DMD: variants seen among roughly 807,000 people sequenced by gnomAD.
DMD encodes the protein dystrophin.
A neutral mutation model predicts 330.1 loss-of-function variants in DMD; 63 were observed. The ratio of observed to expected loss-of-function variants is 0.19; its 90% CI spans 0.16 to 0.24. DMD has a LOEUF of 0.24. Among genes scored for constraint, DMD ranks in the 10% least tolerant of loss-of-function variants. DMD has a pLI of 1.00. For synonymous variants in DMD, 1,223 were observed against 959.8 expected (o/e 1.27, Z -5.07); for missense variants, 3,344 against 2,684.1 (o/e 1.25, Z -5.43).
chrX:32,782,959 TAC>T (rs1312209499), intron 7 of DMD, among the ~76,000 whole-genome samples: 3 of 103,173 alleles, frequency 2.9e-5, no homozygotes, highest in Non-Finnish European at 6.0e-5. Context: ...CACACACACA[TAC>T]ACACACACAT....
chrX:31,164,180 G>A (rs1353118065), intron 74 of DMD, among the ~76,000 whole-genome samples: 1 of 111,689 alleles, frequency 9.0e-6, no homozygotes, highest in Non-Finnish European at 1.9e-5. Flanking sequence ...TCTGCTACAT[G>A]CTCCCGGGAT....
intron 44 of DMD, among the ~76,000 whole-genome samples, chrX:32,175,268 G>A (rs1048993430): frequency 3.6e-5 from 4 of 110,723 alleles, no homozygotes; most frequent in Non-Finnish European, 5.7e-5. Context: ...GAACCTTCCC[G>A]TCTTACAAGA....
intron 7 of DMD, among the ~76,000 whole-genome samples, chrX:32,732,106 G>T (rs867019894): frequency 8.9e-6 from 1 of 111,857 alleles, no homozygotes; most frequent in Non-Finnish European, 1.9e-5. Flanking sequence ...AGAGAAGTAC[G>T]TGAAGAATGC....
At chrX:31,429,674 T>C (rs1308339996) in intron 60 of DMD, among the ~76,000 whole-genome samples, 2 of 111,440 alleles carry the variant, frequency 1.8e-5, no homozygotes, top group Non-Finnish European at 3.8e-5. Context: ...CCTCCTTCAG[T>C]TTGTTGTACA....
chrX:32,376,118 G>A (rs962236052), intron 34 of DMD, among the ~76,000 whole-genome samples: 2 of 110,397 alleles, frequency 1.8e-5, no homozygotes, highest in East Asian at 2.9e-4. Context: ...CAACTCTACC[G>A]AAAACACAAA....
intron 1 of DMD, among the ~76,000 whole-genome samples, chrX:33,321,213 C>T (rs1188562302): frequency 9.0e-6 from 1 of 111,380 alleles, no homozygotes; most frequent in Non-Finnish European, 1.9e-5. Flanking sequence ...TTCCTTTGCT[C>T]ATATCCATCA....
chrX:31,645,138 C>A (rs2080008546), intron 54 of DMD, among the ~76,000 whole-genome samples: 1 of 111,784 alleles, frequency 8.9e-6, no homozygotes, highest in Admixed American at 9.5e-5. Flanking sequence ...CAGATCCCAG[C>A]AATTTTAATA....
chrX:32,486,832 A>G (rs773242644), intron 20 of DMD, among the ~76,000 whole-genome samples: 1 of 104,151 alleles, frequency 9.6e-6, no homozygotes, highest in African/African-American at 3.4e-5. Context: ...CTTCCTTACA[A>G]CTTATACAAA....
chrX:31,444,600 T>C lies in DMD; in HGVS notation c.8965A>G (p.Lys2989Glu), dbSNP rs2065154326. Residue 2989 changes from lysine (K) to glutamate (E), a missense_variant, in exon 60 of 79, where the codon AAA becomes GAA. Coordinates refer to ENST00000357033, the MANE Select transcript of DMD (RefSeq NM_004006.3). ...TCATTGACGTGGCTCACGTTCTCTT[T>C]CAGAGGCGCAATTTCTCCTCGAAGT... ...KALRGEIAPL[K>E]ENVSHVNDLA... The C allele has an allele frequency of 8.3e-7, 1 of 1,211,552 alleles. No individual in the cohort carries two copies. Among genetic ancestry groups the C allele is most frequent in the Non-Finnish European group, 1.1e-6 (1 of 895,473 alleles).
rs185721680 is a variant in DMD, at chrX:33,161,700, T to C, written c.31+49582A>G. Reference sequence around the variant, plus strand: ...TTCTGAGCTCTATGTCTACCACGAATAAGCCCAAGAGTAGAGAGAATTTAT... The same window carrying C: ...TTCTGAGCTCTATGTCTACCACGAACAAGCCCAAGAGTAGAGAGAATTTAT... On this transcript the variant is annotated intron_variant, in intron 1 of 78. Coordinates refer to ENST00000357033, the MANE Select transcript of DMD (RefSeq NM_004006.3). Among the ~76,000 whole-genome samples, 558 of 111,513 alleles carry C rather than the reference T, an allele frequency of 5.0e-3. 3 individuals are homozygous for C. The highest frequency in any genetic ancestry group is 8.2e-3 in the Non-Finnish European group (435 of 53,082).
chrX:32,352,143 A>C (rs2097783726), intron 37 of DMD, among the ~76,000 whole-genome samples: 1 of 110,863 alleles, frequency 9.0e-6, no homozygotes, highest in Non-Finnish European at 1.9e-5. Context: ...TTTTTTTAAA[A>C]ACACTGATTT....
intron 17 of DMD, among the ~76,000 whole-genome samples, chrX:32,530,826 TTC>T (rs2047409897): frequency 8.9e-6 from 1 of 112,255 alleles, no homozygotes; most frequent in Admixed American, 9.5e-5. Flanking sequence ...AATAGAAATA[TTC>T]TCTTAAATGA....
chrX:33,071,422 TA>T lies in DMD; in HGVS notation c.32-51223del, dbSNP rs747432653. 5.1e-3 allele frequency among the ~76,000 whole-genome samples: 359 copies of T among 71,057 alleles called. 1 individual carries two copies. The highest frequency in any genetic ancestry group is 0.019 in the East Asian group (45 of 2,425). The allele number at this position is 71,057 out of a possible 115,157, so 61.7% of individuals were successfully genotyped here. A position where few individuals can be genotyped will look rare whatever the true frequency, so the allele number is the denominator to read the frequency against. On this transcript the variant is annotated intron_variant, in intron 1 of 78. Transcript: ENST00000357033. ...CAACAGAGTGAGACTCTGTCCTGATTAAAAAAAAAAAAAAAAAAAAGGATAT... is the reference window on the plus strand; with the variant it reads ...CAACAGAGTGAGACTCTGTCCTGATTAAAAAAAAAAAAAAAAAAAGGATAT...
At chrX:33,175,025 C>T (rs2049574727) in intron 1 of DMD, among the ~76,000 whole-genome samples, 1 of 111,682 alleles carries the variant, frequency 9.0e-6, no homozygotes, top group African/African-American at 3.3e-5. Context: ...TCTCAGCCTC[C>T]AAAAGGCTAT....
At chrX:31,174,449 G>C (rs951382419) in intron 71 of DMD, among the ~76,000 whole-genome samples, 3 of 111,109 alleles carry the variant, frequency 2.7e-5, no homozygotes, top group Non-Finnish European at 3.8e-5. Flanking sequence ...AATTATCCTT[G>C]AAGTTTTTAT....
chrX:31,310,896 G>A (rs1003174478), intron 62 of DMD, among the ~76,000 whole-genome samples: 5 of 110,578 alleles, frequency 4.5e-5, no homozygotes, highest in African/African-American at 1.6e-4. Context: ...GAAAACATAA[G>A]CCATTATTTA....
At position 33,211,400 on chromosome X, in the gene DMD, A is replaced by G; in HGVS notation, c.-88T>C. On this transcript the variant is annotated 5_prime_UTR_variant, in exon 1 of 79. Coordinates refer to ENST00000357033, the MANE Select transcript of DMD (RefSeq NM_004006.3). Reference sequence around the variant, plus strand: ...TGCTCCAGTAGGCTTAAAAACAATGAGAAACCAACAAACTTCAGCAGCTTT... The same window carrying G: ...TGCTCCAGTAGGCTTAAAAACAATGGGAAACCAACAAACTTCAGCAGCTTT... 8.5e-7 allele frequency: 1 copy of G among 1,175,439 alleles called. No homozygotes were observed. The highest frequency in any genetic ancestry group is 1.9e-5 in the South Asian group (1 of 52,550).
Position 32,565,536 on chromosome X carries a change from C to A in DMD, c.1992+166G>T, listed in dbSNP as rs867198643. ...GTTAATTAGCACTCTACCTCACCAC[C>A]ATTCTCCAACAACAAGACAGGCAAA... is the stretch of plus-strand genomic sequence containing the variant. On this transcript the variant is annotated intron_variant, in intron 16 of 78. Transcript: ENST00000357033. Among the ~76,000 whole-genome samples the A allele has an allele frequency of 4.5e-5, 5 of 111,800 alleles. 1 individual carries two copies. In the Middle Eastern group the frequency reaches 0.019, roughly 416 times the overall value.
chrX:32,258,523 T>C (rs1238889828), intron 43 of DMD, among the ~76,000 whole-genome samples: 1 of 110,708 alleles, frequency 9.0e-6, no homozygotes, highest in Non-Finnish European at 1.9e-5. Context: ...CGGACATGGA[T>C]GAAGCTGGAA....
Sources: gnomAD v4.1 joint callset for allele counts (sites outside exome capture counted in the v4.1 genomes callset) on GRCh38, gnomAD v4.1.1 for gene constraint, MANE v1.5 for transcripts, NCBI Gene and HGNC (gene_info 2026-07-23, HGNC 2026-07-21) for gene names.